Variants in HDAC9 observed in about 807,000 individuals in gnomAD.
The protein encoded by HDAC9 is histone deacetylase 9, also known as MEF-2 interacting transcription repressor (MITR) protein.
HDAC9 carries 41 observed loss-of-function variants against 139.4 expected under a neutral mutation model. The observed-to-expected ratio is 0.29, with a 90% CI of 0.23 to 0.38. The LOEUF (loss-of-function observed/expected upper bound fraction) is 0.38. Among genes scored for constraint, HDAC9 ranks in the 10% least tolerant of loss-of-function variants. HDAC9 has a pLI of 1.00. For missense variants in HDAC9, 1,147 were observed against 1,297.0 expected, an observed-to-expected ratio of 0.88 and a Z score of 1.78; for synonymous variants, 517 against 476.2, an observed-to-expected ratio of 1.09 and a Z score of -1.12.
intron 25 of HDAC9, among the ~76,000 whole-genome samples, chr7:18,994,189 A>T (rs966564778): frequency 2.0e-5 from 3 of 152,164 alleles, no homozygotes; most frequent in African/African-American, 7.2e-5. Flanking sequence ...TTCCAGCCAC[A>T]CTGAATCCTG....
intron 24 of HDAC9, among the ~76,000 whole-genome samples, chr7:18,966,258 T>C (rs1259675895): frequency 6.6e-6 from 1 of 152,186 alleles, no homozygotes; most frequent in African/African-American, 2.4e-5. Flanking sequence ...AAGAAAAGCG[T>C]GTAGGGTCCT....
chr7:18,313,843 A>T (rs1324462628), intron 1 of HDAC9, among the ~76,000 whole-genome samples: 1 of 152,210 alleles, frequency 6.6e-6, no homozygotes. Flanking sequence ...AAGTTAAAAT[A>T]GAAAATAAAC....
At chr7:18,620,578 C>T (rs1839946413) in intron 6 of HDAC9, among the ~76,000 whole-genome samples, 2 of 150,794 alleles carry the variant, frequency 1.3e-5, no homozygotes, top group Non-Finnish European at 1.5e-5. Context: ...TTCATTCATT[C>T]ACTCCGTAAA....
At chr7:18,397,051 C>G (rs1195434874) in intron 1 of HDAC9, among the ~76,000 whole-genome samples, 1 of 151,930 alleles carries the variant, frequency 6.6e-6, no homozygotes, top group African/African-American at 2.4e-5. Flanking sequence ...ATCGTCGACT[C>G]CTATCTTTAG....
intron 11 of HDAC9, among the ~76,000 whole-genome samples, chr7:18,654,812 A>C (rs4721716): frequency 0.33 from 50,140 of 151,666 alleles, 11,853 homozygotes; most frequent in African/African-American, 0.65. Context: ...TCCCAACTTC[A>C]CACACATTGA....
intron 17 of HDAC9, among the ~76,000 whole-genome samples, chr7:18,794,192 T>C (rs1319313118): frequency 6.6e-6 from 1 of 152,220 alleles, no homozygotes; most frequent in African/African-American, 2.4e-5. Flanking sequence ...ACACGGCCTT[T>C]TAATGCACTA....
At position 18,495,890 on chromosome 7, in the gene HDAC9, A is replaced by G. The variant is rs1447157990; in HGVS notation, c.-175A>G. 2.6e-6 allele frequency: 3 copies of G among 1,160,144 alleles called. No individual in the cohort carries two copies. Among genetic ancestry groups the G allele is most frequent in the Non-Finnish European group, 3.2e-6 (3 of 943,212 alleles). 71.9% of individuals were successfully genotyped at this position (1,160,144 alleles called of 1,614,324 possible). ...TTTCTTTTTCTCGTGGGTAGACTTA[A>G]TAATTTTCTACGTATTCTGACAAAG... On this transcript the variant is annotated 5_prime_UTR_variant, in exon 1 of 26. Coordinates refer to ENST00000686413, the MANE Select transcript of HDAC9 (RefSeq NM_178425.4).
intron 12 of HDAC9, among the ~76,000 whole-genome samples, chr7:18,691,513 C>G (rs1050364717): frequency 2.0e-5 from 3 of 151,944 alleles, no homozygotes; most frequent in African/African-American, 7.2e-5. Flanking sequence ...GTGGAAAGGG[C>G]TGCTTCGTGG....
chr7:18,167,107 T>C (rs1788062033), intron 2 of HDAC9, among the ~76,000 whole-genome samples: 1 of 152,214 alleles, frequency 6.6e-6, no homozygotes, highest in South Asian at 2.1e-4. Flanking sequence ...AATTAGTTTT[T>C]TGATGTTTGT....
chr7:18,452,310 C>G (rs995433014), intron 1 of HDAC9, among the ~76,000 whole-genome samples: 1 of 152,106 alleles, frequency 6.6e-6, no homozygotes, highest in Non-Finnish European at 1.5e-5. Context: ...GGAACATTGT[C>G]CAGGATACGT....
At chr7:18,414,378 T>C (rs530386573) in intron 1 of HDAC9, among the ~76,000 whole-genome samples, 17 of 151,950 alleles carry the variant, frequency 1.1e-4, no homozygotes, top group African/African-American at 3.9e-4. Context: ...TGTCTGCTCC[T>C]TACTCATCCT....
At chr7:18,845,486 T>A (rs961440673) in intron 21 of HDAC9, among the ~76,000 whole-genome samples, 7 of 152,216 alleles carry the variant, frequency 4.6e-5, no homozygotes, top group Non-Finnish European at 7.3e-5. Flanking sequence ...ATGTTCTCCT[T>A]TGGAATAGCT....
At chr7:18,112,382 G>T (rs764626223) in intron 1 of HDAC9, among the ~76,000 whole-genome samples, 1 of 151,918 alleles carries the variant, frequency 6.6e-6, no homozygotes, top group African/African-American at 2.4e-5. Flanking sequence ...ACTTGTGTTG[G>T]TATACAACAA....
intron 24 of HDAC9, among the ~76,000 whole-genome samples, chr7:18,954,503 C>T (rs955905431): frequency 7.9e-5 from 12 of 151,040 alleles, no homozygotes; most frequent in South Asian, 2.1e-4. Flanking sequence ...TTACCCAGAA[C>T]CATGAAATAA....
chr7:18,701,662 A>G (rs1332806357), intron 12 of HDAC9, among the ~76,000 whole-genome samples: 1 of 152,250 alleles, frequency 6.6e-6, no homozygotes, highest in Admixed American at 6.5e-5. Context: ...TCATGGGAAT[A>G]CAGAACTTTG....
intron 14 of HDAC9, among the ~76,000 whole-genome samples, chr7:18,752,493 G>A (rs541487728): frequency 1.3e-5 from 2 of 152,214 alleles, no homozygotes; most frequent in Non-Finnish European, 2.9e-5. Context: ...GCTAGAAGGG[G>A]CTATCAGAAG....
chr7:18,920,707 T>A (rs967884704), intron 22 of HDAC9, among the ~76,000 whole-genome samples: 15 of 152,056 alleles, frequency 9.9e-5, no homozygotes, highest in African/African-American at 3.1e-4. Flanking sequence ...GCATGAAGCG[T>A]TGTTGAATTT....
At chr7:18,292,562 G>A (rs1182472149) in intron 1 of HDAC9, among the ~76,000 whole-genome samples, 2 of 152,094 alleles carry the variant, frequency 1.3e-5, no homozygotes, top group Admixed American at 6.6e-5. Flanking sequence ...GGTGGGGATG[G>A]TGTGGAGTTA....
intron 16 of HDAC9, among the ~76,000 whole-genome samples, chr7:18,779,300 A>G (rs560005883): frequency 7.0e-4 from 107 of 152,222 alleles, no homozygotes; most frequent in Non-Finnish European, 1.1e-3. Flanking sequence ...CGAAATGAAT[A>G]TATACATTCA....
Sources: gnomAD v4.1 joint callset for allele counts (sites outside exome capture counted in the v4.1 genomes callset) on GRCh38, gnomAD v4.1.1 for gene constraint, MANE v1.5 for transcripts, NCBI Gene and HGNC (gene_info 2026-07-23, HGNC 2026-07-21) for gene names.